The following NEDD4 variants were observed in gnomAD, a reference collection of about 807,000 sequenced individuals.
NEDD4 encodes E3 ubiquitin-protein ligase NEDD4.
Under a neutral mutation model 144.9 loss-of-function variants are expected in NEDD4, and 99 were observed. That is an observed-to-expected ratio of 0.68 (90% CI 0.58 to 0.81). NEDD4 has a LOEUF of 0.81. Ranked by LOEUF, NEDD4 falls within the 30% of genes least tolerant of loss-of-function variation. The probability of loss-of-function intolerance (pLI) is 0.00; values close to 1 mark genes in which losing one functional copy is unlikely to be tolerated. For missense variants in NEDD4, 985 were observed against 1,065.9 expected, an observed-to-expected ratio of 0.92 and a Z score of 1.06; for synonymous variants, 318 against 350.6, an observed-to-expected ratio of 0.91 and a Z score of 1.04.
intron 5 of NEDD4, among the ~76,000 whole-genome samples, chr15:55,882,437 G>T (rs183266135): frequency 1.2e-4 from 19 of 152,280 alleles, no homozygotes; most frequent in Middle Eastern, 3.4e-3. Flanking sequence ...AGCAACACCA[G>T]GCAGAACTCA....
Position 55,942,630 on chromosome 15 carries a change from G to C in NEDD4, c.237+8746C>G, listed in dbSNP as rs557331232. On this transcript the variant is annotated intron_variant, in intron 4 of 28. Coordinates refer to ENST00000435532, the MANE Select transcript of NEDD4 (RefSeq NM_006154.4). ...CTCATCCAGGCTTCCTGTACAGCCT[G>C]TGGAACTGTGAGTCAATTACAGCCG... Among the ~76,000 whole-genome samples, 4 of 152,292 alleles carry C rather than the reference G, an allele frequency of 2.6e-5. No individual in the cohort carries two copies. In the South Asian group the frequency reaches 8.3e-4, roughly 32 times the overall value.
At chr15:55,979,985 A>G (rs2037772300) in intron 1 of NEDD4, among the ~76,000 whole-genome samples, 1 of 151,650 alleles carries the variant, frequency 6.6e-6, no homozygotes, top group Admixed American at 6.6e-5. Flanking sequence ...ATCTCGGCTC[A>G]CTGCAACCTC....
chr15:55,848,971 A>G, intron 14 of NEDD4, 85 bp from the exon 15 acceptor site: 2 of 984,418 alleles, frequency 2.0e-6, no homozygotes, highest in Admixed American at 1.9e-5. Flanking sequence ...TCTAACATCA[A>G]TGGATATTTA....
chr15:55,834,184 T>C lies in NEDD4; in HGVS notation c.2323-39A>G. 2.5e-6 allele frequency: 4 copies of C among 1,607,212 alleles called. No homozygotes were observed. The South Asian group carries it at 4.4e-5, about 18-fold the overall frequency. On this transcript the variant is annotated intron_variant, in intron 25 of 28. Transcript: ENST00000435532. ...GTCAAATTATAAACAAGGAAAATAATGGGTTCACAATTTCTGTTTCAACAT... is the reference window on the plus strand; with the variant it reads ...GTCAAATTATAAACAAGGAAAATAACGGGTTCACAATTTCTGTTTCAACAT...
At chr15:55,915,149 T>A in intron 5 of NEDD4, 1 of 674,544 alleles carries the variant, frequency 1.5e-6, no homozygotes, top group Non-Finnish European at 2.3e-6. Flanking sequence ...AATATAAAAT[T>A]TATGACTACA....
chr15:55,907,987 G>A (rs548206605), intron 5 of NEDD4, among the ~76,000 whole-genome samples: 1 of 152,260 alleles, frequency 6.6e-6, no homozygotes, highest in Non-Finnish European at 1.5e-5. Context: ...ATTCACCCCA[G>A]GGACAAGGTA....
chr15:55,859,965 C>T (rs969896214), intron 11 of NEDD4, among the ~76,000 whole-genome samples: 25 of 152,186 alleles, frequency 1.6e-4, no homozygotes, highest in African/African-American at 6.0e-4. Flanking sequence ...ATTTGAGATA[C>T]AAAATCATAG....
intron 2 of NEDD4, among the ~76,000 whole-genome samples, chr15:55,962,697 G>A (rs1389092459): frequency 6.6e-6 from 1 of 152,092 alleles, no homozygotes; most frequent in Non-Finnish European, 1.5e-5. Flanking sequence ...ACCCGCCTTA[G>A]CCTCCCAAAG....
At chr15:55,936,366 C>T (rs1232035618) in intron 4 of NEDD4, among the ~76,000 whole-genome samples, 1 of 151,774 alleles carries the variant, frequency 6.6e-6, no homozygotes, top group Non-Finnish European at 1.5e-5. Flanking sequence ...AAAAATCACG[C>T]CAAATTTGTG....
intron 5 of NEDD4, among the ~76,000 whole-genome samples, chr15:55,899,676 A>G (rs2035850988): frequency 6.6e-6 from 1 of 152,200 alleles, no homozygotes; most frequent in African/African-American, 2.4e-5. Flanking sequence ...GTGAAAGTAC[A>G]GGGGTATCAA....
intron 5 of NEDD4, among the ~76,000 whole-genome samples, chr15:55,875,283 A>G (rs550193516): frequency 5.1e-4 from 77 of 152,308 alleles, no homozygotes; most frequent in Non-Finnish European, 9.6e-4. Flanking sequence ...AGGGGAAACT[A>G]AAAATGAATC....
intron 5 of NEDD4, among the ~76,000 whole-genome samples, chr15:55,893,379 C>T (rs1471790844): frequency 2.0e-5 from 3 of 151,780 alleles, no homozygotes; most frequent in South Asian, 2.1e-4. Context: ...ATGTTCAAGC[C>T]GTTATTAATC....
At chr15:55,935,118 T>A (rs1410247967) in intron 4 of NEDD4, among the ~76,000 whole-genome samples, 2 of 152,150 alleles carry the variant, frequency 1.3e-5, no homozygotes, top group Non-Finnish European at 2.9e-5. Context: ...TCCACCCTCC[T>A]CGGCCTCCCA....
chr15:55,840,338 GA>G, intron 21 of NEDD4, 108 bp downstream of exon 21: 1 of 948,712 alleles, frequency 1.1e-6, no homozygotes, highest in Non-Finnish European at 1.5e-6. Context: ...TTTGTATTTT[GA>G]AACATGATAA....
At chr15:55,910,937 A>T (rs1268066150) in intron 5 of NEDD4, among the ~76,000 whole-genome samples, 2 of 121,844 alleles carry the variant, frequency 1.6e-5, no homozygotes, top group Non-Finnish European at 3.6e-5. Context: ...TTGCCCAACT[A>T]CTTAACTATC....
At chr15:55,950,379 AT>A (rs762331039) in intron 4 of NEDD4, among the ~76,000 whole-genome samples, 5 of 152,216 alleles carry the variant, frequency 3.3e-5, no homozygotes, top group Admixed American at 6.5e-5. Flanking sequence ...TTCCCTTCAA[AT>A]TCACTTTATT....
chr15:55,900,548 G>A (rs2035881347), intron 5 of NEDD4, among the ~76,000 whole-genome samples: 1 of 152,044 alleles, frequency 6.6e-6, no homozygotes, highest in South Asian at 2.1e-4. Context: ...ACATGCCAGG[G>A]TCATACCCAA....
At chr15:55,888,831 C>A (rs139396981) in intron 5 of NEDD4, among the ~76,000 whole-genome samples, 1 of 152,142 alleles carries the variant, frequency 6.6e-6, no homozygotes, top group South Asian at 2.1e-4. Flanking sequence ...GTAAAGGTGC[C>A]GAGAACATAC....
intron 1 of NEDD4, among the ~76,000 whole-genome samples, chr15:55,988,469 T>A (rs1459576687): frequency 6.4e-4 from 43 of 67,276 alleles, no homozygotes; most frequent in African/African-American, 7.8e-4. Flanking sequence ...AAACTTAGAG[T>A]ATAATAAAAA....
Sources: gnomAD v4.1 joint callset for allele counts (sites outside exome capture counted in the v4.1 genomes callset) on GRCh38, gnomAD v4.1.1 for gene constraint, MANE v1.5 for transcripts, NCBI Gene and HGNC (gene_info 2026-07-23, HGNC 2026-07-21) for gene names.